Variants in TIMP3 observed in about 807,000 individuals in gnomAD.
TIMP3 encodes metalloproteinase inhibitor 3.
Under a neutral mutation model 30.0 loss-of-function variants are expected in TIMP3, and 11 were observed. The observed-to-expected ratio is 0.37, with a 90% CI of 0.23 to 0.61. The LOEUF is 0.61. TIMP3 is among the 20% of genes least tolerant of loss of function. The pLI is 0.70. For synonymous variants in TIMP3, 112 were observed against 111.3 expected, an observed-to-expected ratio of 1.01 and a Z score of -0.04; for missense variants, 181 against 276.8, an observed-to-expected ratio of 0.65 and a Z score of 2.45.
In TIMP3 at chr22:32,802,063, C is replaced by T; in HGVS notation, c.62C>T (p.Ala21Val). 6.3e-7 allele frequency: 1 copy of T among 1,576,856 alleles called. No individual in the cohort carries two copies. Among genetic ancestry groups the T allele is most frequent in the East Asian group, 2.3e-5 (1 of 43,260 alleles). The change falls in exon 1 of 5, where the codon GCC becomes GTC. Residue 21 changes from alanine (A) to valine (V), a missense_variant. Coordinates refer to ENST00000266085, the MANE Select transcript of TIMP3 (RefSeq NM_000362.5). ...LGSWSLGDWG[A>V]EACTCSPSHP... ...AGCTGGAGCCTGGGGGACTGGGGCG[C>T]CGAGGCGTGCACATGCTCGCCCAGC...
At chr22:32,829,077 C>T (rs1034770748) in intron 1 of TIMP3, among the ~76,000 whole-genome samples, 3 of 152,236 alleles carry the variant, frequency 2.0e-5, no homozygotes, top group African/African-American at 4.8e-5. Flanking sequence ...GAAACTGGCA[C>T]CATTTCTACC....
intron 1 of TIMP3, among the ~76,000 whole-genome samples, chr22:32,840,911 T>C (rs1238179126): frequency 6.6e-6 from 1 of 152,220 alleles, no homozygotes; most frequent in African/African-American, 2.4e-5. Flanking sequence ...GAGCCTTATG[T>C]ATCTCTCTAT....
chr22:32,810,257 G>A (rs538294331), intron 1 of TIMP3, among the ~76,000 whole-genome samples: 1 of 152,288 alleles, frequency 6.6e-6, no homozygotes, highest in South Asian at 2.1e-4. Context: ...CCCATTTAGA[G>A]GCCATCTGTG....
chr22:32,841,163 G>A (rs915963647), intron 1 of TIMP3, among the ~76,000 whole-genome samples: 14 of 152,234 alleles, frequency 9.2e-5, no homozygotes, highest in Admixed American at 4.6e-4. Flanking sequence ...TGAGGTGCCT[G>A]TTATGTGCCA....
chr22:32,859,095 C>A, intron 4 of TIMP3, 85 bp from the exon 5 acceptor site: 1 of 1,400,144 alleles, frequency 7.1e-7, no homozygotes, highest in Non-Finnish European at 1.0e-6. Flanking sequence ...GCAGTGGCCC[C>A]AGGGTCTGAA....
At chr22:32,833,102 G>T (rs2047625609) in intron 1 of TIMP3, among the ~76,000 whole-genome samples, 1 of 152,148 alleles carries the variant, frequency 6.6e-6, no homozygotes, top group South Asian at 2.1e-4. Context: ...GTCTCAAGCT[G>T]TCCTACCAGC....
At chr22:32,814,182 AAAGAAAG>A (rs2047002417) in intron 1 of TIMP3, among the ~76,000 whole-genome samples, 1 of 10,708 alleles carries the variant, frequency 9.3e-5, no homozygotes, top group Non-Finnish European at 1.7e-4. Context: ...GAAAGAAAGA[AAAGAAAG>A]AAAGAAAGAA....
chr22:32,804,359 C>A (rs774907136), intron 1 of TIMP3, among the ~76,000 whole-genome samples: 1 of 152,190 alleles, frequency 6.6e-6, no homozygotes, highest in Non-Finnish European at 1.5e-5. Context: ...TGCTCAGAGC[C>A]TTTCTGGTTT....
intron 1 of TIMP3, among the ~76,000 whole-genome samples, chr22:32,808,716 T>G (rs1222519124): frequency 6.6e-6 from 1 of 152,198 alleles, no homozygotes. Flanking sequence ...CTCCTTTGGT[T>G]CCTTTCCCTG....
At chr22:32,804,861 C>T (rs2046683871) in intron 1 of TIMP3, among the ~76,000 whole-genome samples, 1 of 152,156 alleles carries the variant, frequency 6.6e-6, no homozygotes, top group South Asian at 2.1e-4. Context: ...CCTGGCCAGT[C>T]ATTGCCCCTG....
intron 1 of TIMP3, among the ~76,000 whole-genome samples, chr22:32,807,357 T>TATATAAATATATATTA (rs1313960768): frequency 9.2e-5 from 1 of 10,868 alleles, no homozygotes; most frequent in Non-Finnish European, 1.6e-4. Context: ...AAATATATAA[T>TATATAAATATATATTA]ATATAATATA....
In TIMP3 at chr22:32,859,425, C is replaced by T. The variant is rs1391592552; in HGVS notation, c.*48C>T. 6.4e-7 allele frequency: 1 copy of T among 1,574,356 alleles called. No homozygotes were observed. On this transcript the variant is annotated 3_prime_UTR_variant, in exon 5 of 5. Coordinates refer to ENST00000266085, the MANE Select transcript of TIMP3 (RefSeq NM_000362.5). ...ACTTCCCTCCCTTCCCGCTGAGCTTCCCTTGGACACTAACTCTTCCCAGAT... is the reference window on the plus strand; with the variant it reads ...ACTTCCCTCCCTTCCCGCTGAGCTTTCCTTGGACACTAACTCTTCCCAGAT...
chr22:32,820,882 C>T (rs1000314980), intron 1 of TIMP3, among the ~76,000 whole-genome samples: 7 of 152,114 alleles, frequency 4.6e-5, no homozygotes, highest in Non-Finnish European at 1.0e-4. Context: ...CAGAGTTTGC[C>T]AGATATTGCT....
At chr22:32,825,261 C>T (rs969385890) in intron 1 of TIMP3, among the ~76,000 whole-genome samples, 4 of 152,016 alleles carry the variant, frequency 2.6e-5, no homozygotes, top group Non-Finnish European at 4.4e-5. Flanking sequence ...TGATGGCTGG[C>T]GGAAGATCTG....
At chr22:32,827,708 T>C (rs1412841304) in intron 1 of TIMP3, among the ~76,000 whole-genome samples, 1 of 152,220 alleles carries the variant, frequency 6.6e-6, no homozygotes, top group African/African-American at 2.4e-5. Context: ...TCCAGTGGCT[T>C]CTTAATTCCT....
intron 1 of TIMP3, among the ~76,000 whole-genome samples, chr22:32,828,934 G>A (rs2047491911): frequency 1.3e-5 from 2 of 152,054 alleles, no homozygotes; most frequent in Non-Finnish European, 2.9e-5. Flanking sequence ...ATGAGGAGGG[G>A]AAAGACAAAA....
intron 1 of TIMP3, among the ~76,000 whole-genome samples, chr22:32,822,984 T>C (rs995074692): frequency 6.6e-6 from 1 of 151,222 alleles, no homozygotes; most frequent in African/African-American, 2.4e-5. Context: ...TAGAGAAGAG[T>C]CTGAATGTCT....
intron 1 of TIMP3, among the ~76,000 whole-genome samples, chr22:32,814,351 GAGAA>G (rs940671309): frequency 5.3e-3 from 78 of 14,588 alleles, no homozygotes; most frequent in Non-Finnish European, 7.5e-3. Flanking sequence ...GAAAGAAAGA[GAGAA>G]AGAAAGAAAG....
chr22:32,858,022 G>A lies in TIMP3; in HGVS notation c.322G>A (p.Val108Ile), dbSNP rs779017473. ...NKYQYLLTGR[V>I]YDGKMYTGLC... ...TTTCTTCTTTCCTCCTGTAGGTCGC[G>A]TCTATGATGGCAAGATGTACACGGG... The change falls in exon 4 of 5, where the codon GTC becomes ATC. Residue 108 changes from valine to isoleucine, a missense_variant. By Grantham distance (29) the Val-to-Ile change is conservative. Coordinates refer to ENST00000266085, the MANE Select transcript of TIMP3 (RefSeq NM_000362.5). 12 of 1,614,034 alleles carry A rather than the reference G, an allele frequency of 7.4e-6. No individual in the cohort carries two copies. Among genetic ancestry groups the A allele is most frequent in the Admixed American group, 3.3e-5 (2 of 60,000 alleles).
Sources: allele counts gnomAD v4.1 joint callset (sites outside exome capture counted in the v4.1 genomes callset), GRCh38; gene constraint gnomAD v4.1.1; transcripts MANE v1.5; gene names NCBI Gene and HGNC (gene_info 2026-07-23, HGNC 2026-07-21).